DCC: variants seen among roughly 807,000 people sequenced by gnomAD.
DCC encodes the protein DCC netrin 1 receptor.
Under a neutral mutation model 172.5 loss-of-function variants are expected in DCC, and 58 were observed. The ratio of observed to expected loss-of-function variants is 0.34; its 90% CI spans 0.27 to 0.42. The LOEUF (loss-of-function observed/expected upper bound fraction) is 0.42. Ranked by LOEUF, DCC falls within the 10% of genes least tolerant of loss-of-function variation. The pLI is 1.00. For missense variants in DCC, 1,740 were observed against 1,791.0 expected, an observed-to-expected ratio of 0.97 and a Z score of 0.51; for synonymous variants, 709 against 644.5, an observed-to-expected ratio of 1.10 and a Z score of -1.52.
chr18:53,075,453 TAATA>T (rs1002659218), intron 7 of DCC, among the ~76,000 whole-genome samples: 11 of 151,972 alleles, frequency 7.2e-5, no homozygotes, highest in African/African-American at 1.9e-4. Flanking sequence ...CCAGTGATAA[TAATA>T]AATCCATACA....
chr18:53,427,843 A>ATAT (rs201445912), intron 21 of DCC, among the ~76,000 whole-genome samples: 697 of 46,568 alleles, frequency 0.015, 164 homozygotes, highest in Non-Finnish European at 0.034. Context: ...TATATAATAT[A>ATAT]TATATTTCTT....
intron 1 of DCC, among the ~76,000 whole-genome samples, chr18:52,347,380 A>G (rs1362923061): frequency 1.3e-5 from 2 of 152,158 alleles, no homozygotes; most frequent in African/African-American, 4.8e-5. Context: ...CCTGTTCTTA[A>G]TAGATACAAT....
intron 12 of DCC, among the ~76,000 whole-genome samples, chr18:53,274,893 G>A (rs2056788559): frequency 1.3e-5 from 2 of 152,054 alleles, no homozygotes; most frequent in African/African-American, 4.8e-5. Flanking sequence ...GGTTCCCTAG[G>A]TGATTCTTCT....
intron 1 of DCC, among the ~76,000 whole-genome samples, chr18:52,424,608 T>C (rs1395844679): frequency 6.6e-6 from 1 of 152,160 alleles, no homozygotes; most frequent in African/African-American, 2.4e-5. Context: ...TAAATCAGGC[T>C]TTGGCTTCTA....
Position 52,478,180 on chromosome 18 carries a change from T to G in DCC, c.91+137302T>G, listed in dbSNP as rs146587137. On this transcript the variant is annotated intron_variant, in intron 1 of 28. Coordinates refer to ENST00000442544, the MANE Select transcript of DCC (RefSeq NM_005215.4). ...ATTATTTTTGAATGAAATTTGTTAC[T>G]TAGAGATTAATTTCTCTTGATTTTT... Among the ~76,000 whole-genome samples, 13 of 152,204 alleles carry G rather than the reference T, an allele frequency of 8.5e-5. No individual in the cohort carries two copies. The East Asian group carries it at 2.3e-3, about 27-fold the overall frequency.
intron 12 of DCC, among the ~76,000 whole-genome samples, chr18:53,255,951 G>T (rs1326611774): frequency 6.6e-6 from 1 of 152,082 alleles, no homozygotes; most frequent in Non-Finnish European, 1.5e-5. Flanking sequence ...ATTTGCATTT[G>T]CCTGATAGCC....
chr18:52,697,791 T>A (rs16955388), intron 1 of DCC, among the ~76,000 whole-genome samples: 5,009 of 152,296 alleles, frequency 0.033, 112 homozygotes, highest in Middle Eastern at 0.065. Flanking sequence ...ATCCAAGAGA[T>A]TCCATTGTAG....
chr18:53,066,636 C>T (rs575100634), intron 7 of DCC, among the ~76,000 whole-genome samples: 6 of 151,244 alleles, frequency 4.0e-5, no homozygotes, highest in Admixed American at 1.3e-4. Context: ...TGCATATATA[C>T]GTACACACAT....
intron 2 of DCC, among the ~76,000 whole-genome samples, chr18:52,830,826 C>T (rs1245170310): frequency 6.6e-6 from 1 of 152,116 alleles, no homozygotes; most frequent in African/African-American, 2.4e-5. Flanking sequence ...TTATATCAGG[C>T]ACTATTCCAA....
chr18:52,531,463 G>C (rs570787615), intron 1 of DCC, among the ~76,000 whole-genome samples: 203 of 152,242 alleles, frequency 1.3e-3, no homozygotes, highest in African/African-American at 4.7e-3. Context: ...ATATTTGAAA[G>C]TAAGGCAATA....
intron 2 of DCC, among the ~76,000 whole-genome samples, chr18:52,784,773 T>G (rs940499205): frequency 3.9e-5 from 6 of 151,994 alleles, no homozygotes; most frequent in African/African-American, 1.4e-4. Flanking sequence ...GCTATGTTGC[T>G]TGGGATATGT....
chr18:52,925,509 G>T (rs1237996639), intron 5 of DCC, 139 bp downstream of exon 5: 5 of 857,212 alleles, frequency 5.8e-6, no homozygotes, highest in South Asian at 1.4e-5. Context: ...ACATGTCCTT[G>T]CTTTGCTCTG....
intron 25 of DCC, among the ~76,000 whole-genome samples, chr18:53,476,297 A>T (rs1223744507): frequency 6.6e-6 from 1 of 152,176 alleles, no homozygotes; most frequent in African/African-American, 2.4e-5. Context: ...ATGTGAGAAC[A>T]TTAGAATTGA....
At chr18:52,865,034 T>A (rs952608278) in intron 2 of DCC, among the ~76,000 whole-genome samples, 11 of 151,784 alleles carry the variant, frequency 7.2e-5, no homozygotes, top group African/African-American at 2.2e-4. Context: ...CCTGGCTAAT[T>A]TTTTGTATTT....
chr18:52,940,616 T>C (rs370646471), intron 5 of DCC, among the ~76,000 whole-genome samples: 9 of 152,298 alleles, frequency 5.9e-5, no homozygotes, highest in African/African-American at 2.2e-4. Context: ...TTGGTAAAGC[T>C]GTGTGAATGG....
chr18:53,484,568 T>C (rs574015071), intron 25 of DCC, among the ~76,000 whole-genome samples: 2 of 152,200 alleles, frequency 1.3e-5, no homozygotes, highest in East Asian at 3.9e-4. Flanking sequence ...TTCTGGGTCT[T>C]ACATGTAGGT....
intron 1 of DCC, among the ~76,000 whole-genome samples, chr18:52,732,116 T>C (rs538406677): frequency 1.0e-3 from 157 of 152,298 alleles, no homozygotes; most frequent in Middle Eastern, 3.4e-3. Context: ...GTTGCCATAT[T>C]AAGTTGTTTT....
intron 3 of DCC, among the ~76,000 whole-genome samples, chr18:52,907,667 C>G (rs751529282): frequency 1.1e-4 from 16 of 152,174 alleles, no homozygotes; most frequent in Non-Finnish European, 1.8e-4. Context: ...CTGCCTGCCT[C>G]AGCCTCCGCC....
At chr18:52,800,936 G>A (rs901390380) in intron 2 of DCC, among the ~76,000 whole-genome samples, 2 of 152,132 alleles carry the variant, frequency 1.3e-5, no homozygotes, top group South Asian at 4.1e-4. Flanking sequence ...CTGGCGTATT[G>A]GCAGGGTGCA....
Sources: gnomAD v4.1 joint callset for allele counts (sites outside exome capture counted in the v4.1 genomes callset) on GRCh38, gnomAD v4.1.1 for gene constraint, MANE v1.5 for transcripts, NCBI Gene and HGNC (gene_info 2026-07-23, HGNC 2026-07-21) for gene names.